Variants in TCF4 observed in about 807,000 individuals in gnomAD.
TCF4 encodes SL3-3 enhancer factor 2.
In TCF4, 3 loss-of-function variants were observed where a neutral mutation model predicts 82.1. That is an observed-to-expected ratio of 0.04 (90% CI 0.02 to 0.09). TCF4 has a LOEUF of 0.09. Among genes scored for constraint, TCF4 ranks in the 10% least tolerant of loss-of-function variants. TCF4 has a pLI of 1.00. For missense variants in TCF4, 518 were observed against 852.7 expected, an observed-to-expected ratio of 0.61 and a Z score of 4.89; for synonymous variants, 276 against 309.6, an observed-to-expected ratio of 0.89 and a Z score of 1.14.
At position 55,351,894 on chromosome 18, in the gene TCF4, AT is replaced by A. The variant is rs999256722; in HGVS notation, c.370-892del. 6.9e-6 allele frequency: 6 copies of A among 867,648 alleles called. No homozygotes were observed. The African/African-American group carries it at 7.3e-5, about 11-fold the overall frequency. 53.7% of individuals were successfully genotyped at this position (867,648 alleles called of 1,614,324 possible). A position where few individuals can be genotyped will look rare whatever the true frequency, so the allele number is the denominator to read the frequency against. ...AACAAGAGTAGATAGTACCATTTAT[AT>A]TAAGAACAAATTTACTATTTAATAA... On this transcript the variant is annotated intron_variant, in intron 6 of 19. Transcript: ENST00000354452.
At chr18:55,590,473 A>AAT (rs2097683248), upstream of TCF4, among the ~76,000 whole-genome samples, 3 of 152,242 alleles carry the variant, frequency 2.0e-5, no homozygotes, top group African/African-American at 7.2e-5. Flanking sequence ...ATAAGCCACG[A>AAT]CTGACTCAAC....
intron 8 of TCF4, among the ~76,000 whole-genome samples, chr18:55,291,120 C>T (rs180780335): frequency 3.3e-5 from 5 of 152,230 alleles, no homozygotes; most frequent in Admixed American, 2.0e-4. Flanking sequence ...AAGCTTGGAG[C>T]GGGTTAAGTG....
chr18:55,582,248 A>T (rs1413318147), intron 3 of TCF4, among the ~76,000 whole-genome samples: 1 of 152,122 alleles, frequency 6.6e-6, no homozygotes, highest in South Asian at 2.1e-4. Context: ...TAATTTTCCA[A>T]TCATCCAGGC....
intron 3 of TCF4, among the ~76,000 whole-genome samples, chr18:55,521,331 T>A (rs2096931466): frequency 6.6e-6 from 1 of 152,226 alleles, no homozygotes; most frequent in Non-Finnish European, 1.5e-5. Flanking sequence ...GTTATGTAAA[T>A]GTTATCTTCT....
chr18:55,392,335 C>A (rs1437601051), intron 6 of TCF4, among the ~76,000 whole-genome samples: 1 of 151,656 alleles, frequency 6.6e-6, no homozygotes, highest in Non-Finnish European at 1.5e-5. Context: ...ACTGCTACTA[C>A]AAGCCAGGCA....
intron 8 of TCF4, among the ~76,000 whole-genome samples, chr18:55,310,587 G>A (rs1568917097): frequency 1.3e-5 from 2 of 152,334 alleles, no homozygotes; most frequent in South Asian, 2.1e-4. Context: ...TATCCACATT[G>A]AGGAGAAGCG....
chr18:55,268,946 T>TG (rs929239791), intron 11 of TCF4: 1 of 152,130 alleles, frequency 6.6e-6, no homozygotes, highest in African/African-American at 2.4e-5. Flanking sequence ...AATAAGACCC[T>TG]GGGGCACTAA....
intron 6 of TCF4, among the ~76,000 whole-genome samples, chr18:55,376,082 C>T (rs1461242052): frequency 6.4e-5 from 9 of 140,200 alleles, no homozygotes; most frequent in South Asian, 2.2e-4. Context: ...AATGCAGCGG[C>T]GGGATCTCAG....
chr18:55,353,357 G>T (rs542038741), intron 6 of TCF4, among the ~76,000 whole-genome samples: 5 of 152,128 alleles, frequency 3.3e-5, no homozygotes, highest in Non-Finnish European at 7.4e-5. Flanking sequence ...ATATGCAGGC[G>T]CAAGGACTAT....
chr18:55,476,181 A>T (rs1216583880), intron 3 of TCF4, among the ~76,000 whole-genome samples: 1 of 152,208 alleles, frequency 6.6e-6, no homozygotes, highest in East Asian at 1.9e-4. Context: ...GTACAAAAAA[A>T]AAAATTGGAA....
intron 3 of TCF4, among the ~76,000 whole-genome samples, chr18:55,509,985 T>C (rs1165036602): frequency 6.6e-6 from 1 of 152,188 alleles, no homozygotes. Context: ...GCAATAATCC[T>C]AAGAAATAAC....
intron 3 of TCF4, among the ~76,000 whole-genome samples, chr18:55,514,634 C>T (rs933701540): frequency 1.3e-5 from 2 of 152,154 alleles, no homozygotes; most frequent in Non-Finnish European, 2.9e-5. Flanking sequence ...AGGTTCATCA[C>T]AATTAAAGCC....
chr18:55,274,366 C>G (rs1369588763), intron 10 of TCF4, among the ~76,000 whole-genome samples: 2 of 152,106 alleles, frequency 1.3e-5, no homozygotes, highest in Non-Finnish European at 2.9e-5. Context: ...AGGCCAATAC[C>G]ATTTCCACTG....
chr18:55,322,251 C>T (rs1467755502), intron 8 of TCF4: 2 of 1,057,900 alleles, frequency 1.9e-6, no homozygotes, highest in African/African-American at 1.7e-5. Context: ...CTCTCTCTCT[C>T]TCCCTCTCTT....
chr18:55,564,005 G>C (rs2097378383), intron 3 of TCF4, among the ~76,000 whole-genome samples: 1 of 152,130 alleles, frequency 6.6e-6, no homozygotes, highest in African/African-American at 2.4e-5. Flanking sequence ...TATGTTTATG[G>C]AATCATTTAT....
intron 8 of TCF4, among the ~76,000 whole-genome samples, chr18:55,327,216 T>C (rs1353415063): frequency 6.6e-6 from 1 of 152,170 alleles, no homozygotes; most frequent in Non-Finnish European, 1.5e-5. Context: ...TATACACACG[T>C]ATCTGGAGAA....
chr18:55,588,017 C>T, intron 1 of TCF4, 21 bp downstream of exon 1: 1 of 981,324 alleles, frequency 1.0e-6, no homozygotes, highest in Non-Finnish European at 1.2e-6. Context: ...CCCGCCGAGC[C>T]CCGCAGGCGC....
At chr18:55,484,130 A>T (rs927808297) in intron 3 of TCF4, among the ~76,000 whole-genome samples, 13 of 152,198 alleles carry the variant, frequency 8.5e-5, no homozygotes, top group African/African-American at 2.2e-4. Context: ...ATGAGAGAGA[A>T]GTGACATCTG....
chr18:55,375,619 T>TA (rs1424278396), intron 6 of TCF4, among the ~76,000 whole-genome samples: 2 of 152,094 alleles, frequency 1.3e-5, no homozygotes, highest in African/African-American at 4.8e-5. Context: ...ATTTTCTTCC[T>TA]AAAAAATCTT....
Sources: allele counts gnomAD v4.1 joint callset (sites outside exome capture counted in the v4.1 genomes callset), GRCh38; gene constraint gnomAD v4.1.1; transcripts MANE v1.5; gene names NCBI Gene and HGNC (gene_info 2026-07-23, HGNC 2026-07-21).